The following KLHL41 variants were observed in gnomAD, a reference collection of about 807,000 sequenced individuals.
KLHL41 encodes the protein kelch like family member 41, also known as kelch-like protein 41.
A neutral mutation model predicts 49.2 loss-of-function variants in KLHL41; 31 were observed. The observed-to-expected ratio is 0.63, with a 90% CI of 0.47 to 0.85. The LOEUF (loss-of-function observed/expected upper bound fraction) is 0.85. KLHL41 is among the 40% of genes least tolerant of loss of function. The pLI is 0.00. For missense variants in KLHL41, 663 were observed against 726.7 expected (o/e 0.91, Z 1.01); for synonymous variants, 218 against 258.5 (o/e 0.84, Z 1.50).
In KLHL41 at chr2:169,518,218, A is replaced by C. The variant is rs772173940; in HGVS notation, c.1405A>C (p.Asn469His). Reference protein sequence around the residue: ...KKCTNRVFIFNPKKGDWKDLA... With the variant: ...KKCTNRVFIFHPKKGDWKDLA... ...ATGTACAAACAGGGTGTTTATCTTC[A>C]ACCCCAAAAAAGGAGATTGGAAAGA... The change falls in exon 4 of 6, where the codon AAC becomes CAC. Residue 469 changes from asparagine (N) to histidine (H), a missense_variant. Asn to His is a moderately conservative substitution (Grantham distance 68). Coordinates refer to ENST00000284669, the MANE Select transcript of KLHL41 (RefSeq NM_006063.3). 21 of 1,613,436 alleles carry C rather than the reference A, an allele frequency of 1.3e-5. No individual in the cohort carries two copies. The highest frequency in any genetic ancestry group is 6.6e-5 in the South Asian group (6 of 90,908).
Position 169,510,114 on chromosome 2 carries a change from C to T in KLHL41, c.336C>T (p.Arg112=), listed in dbSNP as rs1264833885. 1.2e-6 allele frequency: 2 copies of T among 1,614,152 alleles called. No individual in the cohort carries two copies. The highest frequency in any genetic ancestry group is 2.7e-5 in the African/African-American group (2 of 75,054). The change falls in exon 1 of 6, where the codon CGC becomes CGT. Residue 112 remains arginine, a synonymous_variant. Coordinates refer to ENST00000284669, the MANE Select transcript of KLHL41 (RefSeq NM_006063.3). The surrounding 1 kb of genome is among the most constrained non-coding windows in gnomAD (Gnocchi z 4.2). ...NVQDIFALAS[R]FQIPSVFTVC... Reference sequence around the variant, plus strand: ...AAGATATTTTTGCATTGGCCAGCCGCTTTCAGATCCCCTCAGTGTTTACTG... The same window carrying T: ...AAGATATTTTTGCATTGGCCAGCCGTTTTCAGATCCCCTCAGTGTTTACTG...
rs74839160 is a variant in KLHL41 at position 169,521,034 on chromosome 2, G to C, written c.1709+27G>C. ...TAAGTTCTCATCACTTCAATTTTCA[G>C]AATCACATATTAAATCAGATGACTG... On this transcript the variant is annotated intron_variant, in intron 5 of 5. Coordinates refer to ENST00000284669, the MANE Select transcript of KLHL41 (RefSeq NM_006063.3). 2.5e-3 allele frequency: 3,996 copies of C among 1,599,438 alleles called. 82 individuals carry two copies. In the Admixed American group the frequency reaches 0.035, roughly 14 times the overall value.
At chr2:169,525,474 T>A (rs1238362275) in intron 5 of KLHL41, 111 bp from the exon 6 acceptor site, 5 of 662,216 alleles carry the variant, frequency 7.6e-6, no homozygotes, top group Non-Finnish European at 8.1e-6. Flanking sequence ...TGCATCTTCT[T>A]CTGAGTAAGA....
intron 5 of KLHL41, among the ~76,000 whole-genome samples, chr2:169,522,810 G>T (rs1684222116): frequency 7.2e-6 from 1 of 139,168 alleles, no homozygotes. Flanking sequence ...GCAACCTCCA[G>T]CTCCTGGGTT....
intron 5 of KLHL41, among the ~76,000 whole-genome samples, chr2:169,522,705 A>ATTTTTTTTTTTTTTTTTTTTTTTTTT: frequency 2.0e-5 from 1 of 50,092 alleles, no homozygotes; most frequent in Non-Finnish European, 3.4e-5. Flanking sequence ...CTTCCCAGTG[A>ATTTTTTTTTTTTTTTTTTTTTTTTTT]TTTTTTTTTT....
chr2:169,510,721 G>A lies in KLHL41; in HGVS notation c.943G>A (p.Val315Met), dbSNP rs1684018835. 1.2e-6 allele frequency: 2 copies of A among 1,614,032 alleles called. No homozygotes were observed. Among genetic ancestry groups the A allele is most frequent in the Non-Finnish European group, 8.5e-7 (1 of 1,180,016 alleles). Reference sequence around the variant, plus strand: ...CCTCTTGGTTAATGACACAGCAGCAGTGGCTTATGACCCCACGGAAAATGA... The same window carrying A: ...CCTCTTGGTTAATGACACAGCAGCAATGGCTTATGACCCCACGGAAAATGA... ...LILLVNDTAAVAYDPTENECY... is the reference protein window; with the variant it reads ...LILLVNDTAAMAYDPTENECY... Residue 315 changes from valine (V) to methionine (M), a missense_variant, in exon 1 of 6, where the codon GTG becomes ATG. Physicochemically the swap from Val to Met is conservative, Grantham distance 21. Transcript: ENST00000284669. This position sits in a 1 kb window ranked among gnomAD's most constrained non-coding sequence, Gnocchi z 4.2.
In KLHL41 at chr2:169,514,972, T is replaced by G. The variant is rs745615441; in HGVS notation, c.1376+11T>G. ...AAAGACAGATGACAAGTAAGTACCC[T>G]GAACTCTCATGATTTATGTCTAAAT... On this transcript the variant is annotated intron_variant, in intron 3 of 5. Coordinates refer to ENST00000284669, the MANE Select transcript of KLHL41 (RefSeq NM_006063.3). The G allele has an allele frequency of 1.4e-6, 2 of 1,442,416 alleles. No homozygotes were observed. Among genetic ancestry groups the G allele is most frequent in the South Asian group, 2.5e-5 (2 of 81,520 alleles). 89.4% of individuals were successfully genotyped at this position (1,442,416 alleles called of 1,614,324 possible).
At chr2:169,516,912 T>A (rs376996746) in intron 3 of KLHL41, among the ~76,000 whole-genome samples, 1 of 152,094 alleles carries the variant, frequency 6.6e-6, no homozygotes, top group Non-Finnish European at 1.5e-5. Context: ...TCCCAGCTAC[T>A]AGGGAGGCTG....
chr2:169,516,601 GAT>G (rs1262879063), intron 3 of KLHL41, among the ~76,000 whole-genome samples: 2 of 152,172 alleles, frequency 1.3e-5, no homozygotes, highest in African/African-American at 2.4e-5. Flanking sequence ...CTAGGAAATT[GAT>G]ATGTCAGTAA....
intron 5 of KLHL41, among the ~76,000 whole-genome samples, chr2:169,524,827 C>T (rs888562044): frequency 1.3e-5 from 2 of 151,802 alleles, no homozygotes; most frequent in African/African-American, 4.8e-5. Context: ...GTGATAATTG[C>T]TATAATACCA....
intron 1 of KLHL41, among the ~76,000 whole-genome samples, chr2:169,511,320 G>A (rs1684026781): frequency 2.0e-5 from 3 of 152,124 alleles, no homozygotes; most frequent in Non-Finnish European, 1.5e-5. Flanking sequence ...AAAGTGCTGG[G>A]ATTACCGGTG....
chr2:169,515,296 G>A (rs1217987105), intron 3 of KLHL41, among the ~76,000 whole-genome samples: 1 of 152,046 alleles, frequency 6.6e-6, no homozygotes, highest in East Asian at 1.9e-4. Flanking sequence ...GCCTCCCAAA[G>A]TGCTAGGATT....
Position 169,509,856 on chromosome 2 carries a change from C to T in KLHL41, c.78C>T (p.Leu26=), listed in dbSNP as rs755289181. Residue 26 remains leucine (L), a synonymous_variant, in exon 1 of 6, where the codon CTC becomes CTT. Transcript: ENST00000284669. ...TTCTTCAGGATGGTCTAAAAGATCT[C>T]CTGGATGAGAAAAAATTCATCGATT... ...STLLQDGLKD[L]LDEKKFIDCT... The T allele has an allele frequency of 6.2e-7, 1 of 1,614,080 alleles. No individual in the cohort carries two copies. The highest frequency in any genetic ancestry group is 8.5e-7 in the Non-Finnish European group (1 of 1,180,024).
In KLHL41 at chr2:169,522,705, A is replaced by ATTTTTTTTTTTTTTT. The variant is rs60635668; in HGVS notation, c.1709+1716_1709+1730dup. On this transcript the variant is annotated intron_variant, in intron 5 of 5. Coordinates refer to ENST00000284669, the MANE Select transcript of KLHL41 (RefSeq NM_006063.3). Reference sequence around the variant, plus strand: ...CCTAGTTCCTAAAACCTTCCCAGTGATTTTTTTTTTTTTTTTTTTTTTTTT... The same window carrying ATTTTTTTTTTTTTTT: ...CCTAGTTCCTAAAACCTTCCCAGTGATTTTTTTTTTTTTTTTTTTTTTTTTTTTTTTTTTTTTTTT... Among the ~76,000 whole-genome samples, 5 of 50,092 alleles carry ATTTTTTTTTTTTTTT rather than the reference A, an allele frequency of 1.0e-4. 1 individual carries two copies. The highest frequency in any genetic ancestry group is 7.5e-4 in the East Asian group (1 of 1,338). The allele number at this position is 50,092 out of a possible 152,430, so 32.9% of individuals were successfully genotyped here. A position where few individuals can be genotyped will look rare whatever the true frequency, so the allele number is the denominator to read the frequency against.
rs1469367782 is a variant in KLHL41, at chr2:169,509,715, G to A, written c.-64G>A. The A allele has an allele frequency of 4.6e-6, 7 of 1,507,722 alleles. No homozygotes were observed. Among genetic ancestry groups the A allele is most frequent in the Non-Finnish European group, 6.2e-6 (7 of 1,125,472 alleles). 93.4% of individuals were successfully genotyped at this position (1,507,722 alleles called of 1,614,324 possible). On this transcript the variant is annotated 5_prime_UTR_variant, in exon 1 of 6. Coordinates refer to ENST00000284669, the MANE Select transcript of KLHL41 (RefSeq NM_006063.3). ...ACACTGATCTGCCTTTTTACAGCTA[G>A]ACCTGTGTGCTGCAAGGAGCTAAGG...
At chr2:169,519,840 C>A (rs1040328428) in intron 4 of KLHL41, among the ~76,000 whole-genome samples, 12 of 152,072 alleles carry the variant, frequency 7.9e-5, no homozygotes, top group Non-Finnish European at 1.6e-4. Flanking sequence ...GTGATCCACC[C>A]ACCTAGGCCT....
intron 1 of KLHL41, among the ~76,000 whole-genome samples, chr2:169,513,591 T>C (rs1450812672): frequency 1.3e-5 from 2 of 152,226 alleles, no homozygotes; most frequent in African/African-American, 4.8e-5. Context: ...AGACCACATA[T>C]AGATAGGCTT....
intron 3 of KLHL41, 56 bp downstream of exon 3, chr2:169,515,017 T>C (rs1190713934): frequency 9.1e-7 from 1 of 1,095,200 alleles, no homozygotes; most frequent in Non-Finnish European, 1.3e-6. Flanking sequence ...TTAGAAGGGT[T>C]TCTTCCTCTT....
In KLHL41 at chr2:169,510,082, A is replaced by C. The variant is rs1179125201; in HGVS notation, c.304A>C (p.Asn102His). Reference protein sequence around the residue: ...YSASIDLNDGNVQDIFALASR... With the variant: ...YSASIDLNDGHVQDIFALASR... ...TGCCAGTATTGATCTCAATGACGGA[A>C]ATGTGCAAGATATTTTTGCATTGGC... The change falls in exon 1 of 6, where the codon AAT (asparagine) becomes CAT (histidine). Residue 102 changes from asparagine (N) to histidine (H), a missense_variant. This residue lies in a region of KLHL41 where 129 missense variants were observed against 122.1 expected (regional missense o/e 1.06). Transcript: ENST00000284669. This position sits in a 1 kb window ranked among gnomAD's most constrained non-coding sequence, Gnocchi z 4.2. 1 of 1,614,156 alleles carries C rather than the reference A, an allele frequency of 6.2e-7. No homozygotes were observed. The highest frequency in any genetic ancestry group is 1.3e-5 in the African/African-American group (1 of 75,044).
Sources: gnomAD v4.1 joint callset for allele counts (sites outside exome capture counted in the v4.1 genomes callset) on GRCh38, gnomAD v4.1.1 for gene constraint, gnomAD v4.1.1 regional missense constraint, Gnocchi (gnomAD v3.1) non-coding constraint, MANE v1.5 for transcripts, NCBI Gene and HGNC (gene_info 2026-07-23, HGNC 2026-07-21) for gene names.